The following EPHA3 variants were observed in gnomAD, a reference collection of about 807,000 sequenced individuals.
EPHA3 encodes ephrin type-A receptor 3.
Under a neutral mutation model 107.1 loss-of-function variants are expected in EPHA3, and 42 were observed. The ratio of observed to expected loss-of-function variants is 0.39; its 90% CI spans 0.31 to 0.51. The LOEUF is 0.51. Among genes scored for constraint, EPHA3 ranks in the 20% least tolerant of loss-of-function variants. EPHA3 has a pLI of 0.78. For missense variants in EPHA3, 1,183 were observed against 1,211.2 expected, an observed-to-expected ratio of 0.98 and a Z score of 0.35; for synonymous variants, 461 against 424.8, an observed-to-expected ratio of 1.09 and a Z score of -1.05.
At chr3:89,244,031 T>C (rs1459251047) in intron 3 of EPHA3, among the ~76,000 whole-genome samples, 4 of 152,128 alleles carry the variant, frequency 2.6e-5, no homozygotes, top group Non-Finnish European at 5.9e-5. Context: ...AATTTACAAA[T>C]ATGGTGCTGT....
intron 3 of EPHA3, among the ~76,000 whole-genome samples, chr3:89,254,393 A>T (rs191991177): frequency 1.1e-3 from 160 of 152,334 alleles, no homozygotes; most frequent in South Asian, 6.0e-3. Flanking sequence ...GAGCCATCGA[A>T]TGGATAAATC....
At chr3:89,385,119 T>C (rs1405821028) in intron 5 of EPHA3, among the ~76,000 whole-genome samples, 1 of 152,236 alleles carries the variant, frequency 6.6e-6, no homozygotes, top group African/African-American at 2.4e-5. Flanking sequence ...TTTGCTAATA[T>C]ACTGCATTTT....
chr3:89,233,519 C>G (rs1704685367), intron 3 of EPHA3, among the ~76,000 whole-genome samples: 1 of 152,106 alleles, frequency 6.6e-6, no homozygotes, highest in African/African-American at 2.4e-5. Context: ...TTGCTTCTAC[C>G]TCCCCTGCTG....
intron 5 of EPHA3, among the ~76,000 whole-genome samples, chr3:89,381,740 A>C (rs1455709794): frequency 1.3e-5 from 2 of 152,172 alleles, no homozygotes; most frequent in East Asian, 3.9e-4. Flanking sequence ...TAGAGCCATC[A>C]GAAATGGGAT....
chr3:89,243,873 A>G (rs866346180), intron 3 of EPHA3, among the ~76,000 whole-genome samples: 3 of 152,166 alleles, frequency 2.0e-5, no homozygotes, highest in Admixed American at 6.5e-5. Context: ...TCCCACTGCC[A>G]GGACTCATTT....
At chr3:89,397,293 G>A (rs1391370195) in intron 6 of EPHA3, among the ~76,000 whole-genome samples, 2 of 152,082 alleles carry the variant, frequency 1.3e-5, no homozygotes, top group Admixed American at 1.3e-4. Flanking sequence ...GTCCTCTACT[G>A]TGGTAAAGTC....
At chr3:89,382,730 C>T (rs1708537361) in intron 5 of EPHA3, among the ~76,000 whole-genome samples, 1 of 152,034 alleles carries the variant, frequency 6.6e-6, no homozygotes, top group African/African-American at 2.4e-5. Context: ...AGTCTGGTAC[C>T]TGACCCTGAC....
At chr3:89,436,583 C>T (rs1388735795) in intron 13 of EPHA3, among the ~76,000 whole-genome samples, 2 of 152,120 alleles carry the variant, frequency 1.3e-5, no homozygotes, top group South Asian at 2.1e-4. Context: ...GAATGTCTGT[C>T]GCTCTTGTTT....
chr3:89,118,938 A>G (rs1215088774), intron 1 of EPHA3, among the ~76,000 whole-genome samples: 1 of 151,988 alleles, frequency 6.6e-6, no homozygotes, highest in Non-Finnish European at 1.5e-5. Flanking sequence ...TAAGTCCCAG[A>G]ACAGAGTCCC....
chr3:89,387,182 C>T (rs1174597261), intron 5 of EPHA3, among the ~76,000 whole-genome samples: 1 of 152,134 alleles, frequency 6.6e-6, no homozygotes, highest in Non-Finnish European at 1.5e-5. Flanking sequence ...GGTGGAATGA[C>T]ATGGTTTGGC....
intron 2 of EPHA3, among the ~76,000 whole-genome samples, chr3:89,189,633 A>G (rs1705655627): frequency 6.6e-6 from 1 of 152,198 alleles, no homozygotes. Context: ...ACCTAGCTCT[A>G]GTCTAAGCCA....
intron 3 of EPHA3, among the ~76,000 whole-genome samples, chr3:89,272,082 T>C (rs1458870786): frequency 6.6e-6 from 1 of 151,962 alleles, no homozygotes; most frequent in Non-Finnish European, 1.5e-5. Context: ...ATAATACCTA[T>C]AACATACAAA....
At chr3:89,177,109 TGTGA>T (rs1400036212) in intron 2 of EPHA3, among the ~76,000 whole-genome samples, 20 of 152,264 alleles carry the variant, frequency 1.3e-4, no homozygotes, top group African/African-American at 4.8e-4. Flanking sequence ...TGTATGTGTG[TGTGA>T]GTTTTATCAC....
At chr3:89,137,056 T>C (rs948218065) in intron 2 of EPHA3, among the ~76,000 whole-genome samples, 7 of 152,104 alleles carry the variant, frequency 4.6e-5, no homozygotes, top group African/African-American at 1.7e-4. Flanking sequence ...CATATTATAA[T>C]TTTAAAAGAA....
chr3:89,400,192 C>CTTTTTTTTT (rs35134848), intron 7 of EPHA3: 1 of 206,770 alleles, frequency 4.8e-6, no homozygotes. Flanking sequence ...TTCTTTCTTT[C>CTTTTTTTTT]TTTTTTTTTT....
intron 2 of EPHA3, among the ~76,000 whole-genome samples, chr3:89,179,240 T>A: frequency 6.6e-6 from 1 of 152,176 alleles, no homozygotes; most frequent in South Asian, 2.1e-4. Flanking sequence ...TGTCTTTTTC[T>A]AATGTTTTTC....
At position 89,275,003 on chromosome 3, in the gene EPHA3, G is replaced by C. The variant is rs558075168; in HGVS notation, c.814+64483G>C. On this transcript the variant is annotated intron_variant, in intron 3 of 16. Coordinates refer to ENST00000336596, the MANE Select transcript of EPHA3 (RefSeq NM_005233.6). ...AGTGCTGTTAACATCCTGCTCCATA[G>C]ACATTAATACTTTCAGAACTTTGCT... Among the ~76,000 whole-genome samples, 159 of 152,082 alleles carry C rather than the reference G, an allele frequency of 1.0e-3. 1 individual carries two copies. The highest frequency in any genetic ancestry group is 3.6e-3 in the African/African-American group (150 of 41,524).
intron 3 of EPHA3, among the ~76,000 whole-genome samples, chr3:89,294,384 T>C (rs1706294089): frequency 6.6e-6 from 1 of 152,186 alleles, no homozygotes; most frequent in South Asian, 2.1e-4. Context: ...AGAATTACAG[T>C]TAAAAATGCA....
intron 2 of EPHA3, among the ~76,000 whole-genome samples, chr3:89,202,589 C>T (rs1706000367): frequency 6.9e-6 from 1 of 144,628 alleles, no homozygotes; most frequent in African/African-American, 2.6e-5. Flanking sequence ...TATCTTTTTA[C>T]TATACACAAT....
Sources: gnomAD v4.1 joint callset for allele counts (sites outside exome capture counted in the v4.1 genomes callset) on GRCh38, gnomAD v4.1.1 for gene constraint, MANE v1.5 for transcripts, NCBI Gene and HGNC (gene_info 2026-07-23, HGNC 2026-07-21) for gene names.